LCORL: variants seen among roughly 807,000 people sequenced by gnomAD.
LCORL encodes ligand-dependent nuclear receptor corepressor-like protein.
LCORL carries 41 observed loss-of-function variants against 141.8 expected under a neutral mutation model. The observed-to-expected ratio is 0.29, with a 90% CI of 0.23 to 0.38. LCORL has a LOEUF of 0.38. Ranked by LOEUF, LCORL falls within the 10% of genes least tolerant of loss-of-function variation. The probability of loss-of-function intolerance (pLI) is 1.00; values close to 1 mark genes in which losing one functional copy is unlikely to be tolerated. For synonymous variants in LCORL, 618 were observed against 694.1 expected, an observed-to-expected ratio of 0.89 and a Z score of 1.72; for missense variants, 1,759 against 2,035.0, an observed-to-expected ratio of 0.86 and a Z score of 2.61.
intron 5 of LCORL, among the ~76,000 whole-genome samples, chr4:17,908,158 G>A (rs901464152): frequency 2.0e-5 from 3 of 151,932 alleles, no homozygotes; most frequent in African/African-American, 2.4e-5. Flanking sequence ...TCAGCCTCTC[G>A]ACTAGCTGGT....
At chr4:17,860,062 T>C (rs1035691154) in intron 7 of LCORL, among the ~76,000 whole-genome samples, 4 of 152,176 alleles carry the variant, frequency 2.6e-5, no homozygotes, top group Non-Finnish European at 2.9e-5. Flanking sequence ...TTGGGCCATA[T>C]TGCCAAAAGA....
intron 4 of LCORL, among the ~76,000 whole-genome samples, chr4:17,932,948 A>T (rs1211979415): frequency 1.3e-5 from 2 of 152,216 alleles, no homozygotes; most frequent in Admixed American, 1.3e-4. Flanking sequence ...CATGAAATAG[A>T]ACTTGACTGA....
At chr4:17,897,132 A>G (rs560782570) in intron 5 of LCORL, among the ~76,000 whole-genome samples, 118 of 140,524 alleles carry the variant, frequency 8.4e-4, no homozygotes, top group African/African-American at 2.9e-3. Flanking sequence ...ATGGACACTT[A>G]GGTTTCTTCC....
intron 4 of LCORL, among the ~76,000 whole-genome samples, chr4:17,936,254 C>T (rs1347511013): frequency 6.7e-6 from 1 of 149,402 alleles, no homozygotes; most frequent in Non-Finnish European, 1.5e-5. Context: ...CTTCTTAAGG[C>T]TTTTTGAAAT....
At chr4:17,857,553 G>A (rs1724508629) in intron 7 of LCORL, among the ~76,000 whole-genome samples, 1 of 152,110 alleles carries the variant, frequency 6.6e-6, no homozygotes, top group South Asian at 2.1e-4. Context: ...TAACATTTGG[G>A]ACCAGATAAT....
At chr4:17,845,049 G>A (rs1722780405) in exon 8 of LCORL, 1 of 152,054 alleles carries the variant, frequency 6.6e-6, no homozygotes, top group Non-Finnish European at 1.5e-5. Context: ...TTCAAAACTG[G>A]TAACTTACAG....
intron 5 of LCORL, among the ~76,000 whole-genome samples, chr4:17,900,540 A>G (rs1414584368): frequency 6.6e-6 from 1 of 152,146 alleles, no homozygotes; most frequent in Non-Finnish European, 1.5e-5. Context: ...GTCACTTTTG[A>G]TATCTTGCTT....
Position 18,021,826 on chromosome 4 carries a change from C to G in LCORL, c.-75G>C. On this transcript the variant is annotated 5_prime_UTR_variant, in exon 1 of 8. Coordinates refer to ENST00000635767, the Ensembl canonical transcript of LCORL. This position sits in a 1 kb window ranked among gnomAD's most constrained non-coding sequence, Gnocchi z 5.5. ...GAGGCAGGGGCGCGAGCCCTCGGCG[C>G]GAGCCCCGGAGCGCGCGCCCCCCGG... 2 of 1,347,600 alleles carry G rather than the reference C, an allele frequency of 1.5e-6. No homozygotes were observed. Among genetic ancestry groups the G allele is most frequent in the Admixed American group, 6.9e-5 (2 of 28,962 alleles). 83.5% of individuals were successfully genotyped at this position (1,347,600 alleles called of 1,614,324 possible).
In LCORL at chr4:17,856,002, C is replaced by T. The variant is rs574622601; in HGVS notation, c.5603-10101G>A. Among the ~76,000 whole-genome samples, 15 of 152,292 alleles carry T rather than the reference C, an allele frequency of 9.8e-5. No homozygotes were observed. In the East Asian group the frequency reaches 2.7e-3, roughly 27 times the overall value. ...AAGACTTTACTCAATCTTTCGTTTTCCTCAAGATAACAGTTTTATAACTAG... is the reference window on the plus strand; with the variant it reads ...AAGACTTTACTCAATCTTTCGTTTTTCTCAAGATAACAGTTTTATAACTAG... On this transcript the variant is annotated intron_variant, in intron 7 of 7. Coordinates refer to ENST00000635767, the Ensembl canonical transcript of LCORL.
intron 4 of LCORL, among the ~76,000 whole-genome samples, chr4:17,921,305 G>A (rs1053384451): frequency 2.6e-5 from 4 of 152,118 alleles, no homozygotes; most frequent in Non-Finnish European, 5.9e-5. Context: ...TGAGATTACA[G>A]GCGTTGAGCC....
exon 2 of LCORL, chr4:17,972,869 T>C: frequency 7.0e-7 from 1 of 1,431,326 alleles, no homozygotes; most frequent in East Asian, 2.7e-5. Flanking sequence ...AAAGCCCTTC[T>C]AAAATACTCT....
chr4:17,864,750 G>C lies in LCORL; in HGVS notation c.5602+8638C>G, dbSNP rs564624031. Among the ~76,000 whole-genome samples the C allele has an allele frequency of 2.6e-5, 4 of 152,202 alleles. No individual in the cohort carries two copies. The South Asian group carries it at 8.3e-4, about 32-fold the overall frequency. ...CAATTCTGTGTTGTTTAATAAAAGA[G>C]ATCATCTTTAAACATGAAGACATAA... On this transcript the variant is annotated intron_variant, in intron 7 of 7. Transcript: ENST00000635767.
exon 8 of LCORL, chr4:17,845,733 G>T: frequency 6.2e-7 from 1 of 1,606,026 alleles, no homozygotes; most frequent in Non-Finnish European, 8.5e-7. Flanking sequence ...ATTTCTCTTC[G>T]CTTTTGAGAT....
chr4:17,894,837 T>C (rs1364600176), intron 5 of LCORL, among the ~76,000 whole-genome samples: 2 of 152,110 alleles, frequency 1.3e-5, no homozygotes, highest in African/African-American at 4.8e-5. Context: ...AATAATTGTT[T>C]AGATCCGTGT....
exon 8 of LCORL, chr4:17,845,831 G>A: frequency 6.2e-7 from 1 of 1,613,364 alleles, no homozygotes; most frequent in Non-Finnish European, 8.5e-7. Flanking sequence ...ATCTTAATGG[G>A]GCTCAAAGGG....
In LCORL at chr4:17,916,644, T is replaced by A. The variant is rs1028933632; in HGVS notation, c.431-7299A>T. On this transcript the variant is annotated intron_variant, in intron 4 of 7. Coordinates refer to ENST00000635767, the Ensembl canonical transcript of LCORL. ...TGAAAGCATGAGCCAATTAAATGTC[T>A]TTTTTTTTTTTTTTTTTTTTTTTAG... Among the ~76,000 whole-genome samples the A allele has an allele frequency of 3.5e-5, 3 of 86,682 alleles. No individual in the cohort carries two copies. The East Asian group carries it at 9.5e-4, about 27-fold the overall frequency. 56.9% of individuals were successfully genotyped at this position (86,682 alleles called of 152,430 possible). A position where few individuals can be genotyped will look rare whatever the true frequency, so the allele number is the denominator to read the frequency against.
At chr4:17,992,757 G>T (rs905896429) in intron 1 of LCORL, among the ~76,000 whole-genome samples, 3 of 152,152 alleles carry the variant, frequency 2.0e-5, no homozygotes, top group Admixed American at 1.3e-4. Context: ...GTACTCAGAC[G>T]ATAAATCCAT....
intron 1 of LCORL, among the ~76,000 whole-genome samples, chr4:18,003,689 G>C (rs1722343666): frequency 1.3e-5 from 2 of 152,176 alleles, no homozygotes; most frequent in South Asian, 2.1e-4. Flanking sequence ...GATCAAGGAA[G>C]TGTTTTAGGT....
At chr4:17,873,843 G>A in exon 7 of LCORL, 1 of 1,233,914 alleles carries the variant, frequency 8.1e-7, no homozygotes, top group Non-Finnish European at 1.0e-6. Context: ...CCAACTATTA[G>A]GACATACATT....
Sources: gnomAD v4.1 joint callset for allele counts (sites outside exome capture counted in the v4.1 genomes callset) on GRCh38, gnomAD v4.1.1 for gene constraint, Gnocchi (gnomAD v3.1) non-coding constraint, MANE v1.5 for transcripts, NCBI Gene and HGNC (gene_info 2026-07-23, HGNC 2026-07-21) for gene names.